SMPD4: variants seen among roughly 807,000 people sequenced by gnomAD.
SMPD4 encodes sphingomyelin phosphodiesterase 4, also known as neutral sphingomyelinase 3.
Under a neutral mutation model 97.8 loss-of-function variants are expected in SMPD4, and 58 were observed. That is an observed-to-expected ratio of 0.59 (90% CI 0.48 to 0.74). SMPD4 has a LOEUF of 0.74. Among genes scored for constraint, SMPD4 ranks in the 30% least tolerant of loss-of-function variants. SMPD4 has a pLI of 0.00. For missense variants in SMPD4, 853 were observed against 1,080.5 expected, an observed-to-expected ratio of 0.79 and a Z score of 2.95; for synonymous variants, 388 against 450.0, an observed-to-expected ratio of 0.86 and a Z score of 1.74.
chr2:130,169,571 T>A (rs1372191583), intron 8 of SMPD4, among the ~76,000 whole-genome samples: 1 of 152,070 alleles, frequency 6.6e-6, no homozygotes, highest in Non-Finnish European at 1.5e-5. Context: ...TTTCTTTTTT[T>A]TTTTTTTCCC....
chr2:130,176,716 C>G (rs1689011400), intron 1 of SMPD4, 79 bp from the exon 2 acceptor site: 2 of 1,218,816 alleles, frequency 1.6e-6, no homozygotes, highest in African/African-American at 3.0e-5. Context: ...GAGACAGGGT[C>G]TTGTTCTGTT....
chr2:130,163,937 G>T (rs1687675820), intron 10 of SMPD4, among the ~76,000 whole-genome samples: 1 of 152,220 alleles, frequency 6.6e-6, no homozygotes, highest in Admixed American at 6.5e-5. Flanking sequence ...GAAGGTGGGG[G>T]AGTAGGGTGA....
At chr2:130,159,280 C>G (rs1687158986) in intron 11 of SMPD4, among the ~76,000 whole-genome samples, 1 of 152,088 alleles carries the variant, frequency 6.6e-6, no homozygotes, top group African/African-American at 2.4e-5. Context: ...CAAGCATGAG[C>G]CATCGTGGCT....
At chr2:130,157,209 T>C (rs112437022) in intron 12 of SMPD4, 42 bp downstream of exon 12, 14 of 1,549,774 alleles carry the variant, frequency 9.0e-6, no homozygotes, top group Admixed American at 3.9e-5. Flanking sequence ...GAGGGGAAAG[T>C]GGGGGAGACG....
intron 1 of SMPD4, 60 bp from the exon 2 acceptor site, chr2:130,176,697 A>G (rs1166050855): frequency 7.2e-7 from 1 of 1,397,176 alleles, no homozygotes; most frequent in Non-Finnish European, 1.0e-6. Context: ...TTTTTATATT[A>G]TTTTTTTAGA....
intron 3 of SMPD4, among the ~76,000 whole-genome samples, chr2:130,174,126 TC>T (rs1252673129): frequency 2.6e-5 from 4 of 152,042 alleles, no homozygotes; most frequent in African/African-American, 9.7e-5. Context: ...GCTCGAGCAA[TC>T]CCCCCACCTC....
Position 130,152,552 on chromosome 2 carries a change from C to A in SMPD4, c.*3G>T. 1 of 1,543,648 alleles carries A rather than the reference C, an allele frequency of 6.5e-7. No homozygotes were observed. The highest frequency in any genetic ancestry group is 8.8e-7 in the Non-Finnish European group (1 of 1,142,302). On this transcript the variant is annotated 3_prime_UTR_variant, in exon 20 of 20. Transcript: ENST00000680298. The stretch of plus-strand genomic sequence containing the variant: ...CAGCCTGCTCTGAAGGCAGCTGACA[C>A]CTTCAGGGCTGGTGCAGCTTCCCCC...
At chr2:130,171,127 TTTC>T (rs1263153355) in intron 8 of SMPD4, among the ~76,000 whole-genome samples, 2 of 108,584 alleles carry the variant, frequency 1.8e-5, no homozygotes, top group Non-Finnish European at 3.3e-5. Context: ...ATATATATAA[TTTC>T]TTTTCTTTTT....
In SMPD4 at chr2:130,164,419, G is replaced by A. The variant is rs1397138014; in HGVS notation, c.819C>T (p.His273=). The A allele has an allele frequency of 1.2e-6, 2 of 1,614,032 alleles. No individual in the cohort carries two copies. Among genetic ancestry groups the A allele is most frequent in the Non-Finnish European group, 1.7e-6 (2 of 1,180,026 alleles). The change falls in exon 10 of 20, where the codon CAC becomes CAT. Residue 273 remains histidine, a synonymous_variant. Transcript: ENST00000680298. The part of the protein sequence containing the change: ...LQVFVEMWLH[H]YSLEMYQKMQ... ...TTTTTTGATACATCTCCAAGGAATA[G>A]TGATGAAGCCACATTTCAACAAAAA...
intron 8 of SMPD4, among the ~76,000 whole-genome samples, chr2:130,169,771 C>T (rs1043515549): frequency 6.6e-6 from 1 of 152,032 alleles, no homozygotes; most frequent in Non-Finnish European, 1.5e-5. Flanking sequence ...ACACTGGTCT[C>T]GAATTCCTGG....
chr2:130,153,055 G>A lies in SMPD4; in HGVS notation c.2142C>T (p.Ala714=), dbSNP rs1428681715. The change falls in exon 19 of 20, where the codon GCC becomes GCT. Residue 714 remains alanine (A), a synonymous_variant. Transcript: ENST00000680298. ...CCTGCCCACTCACTCTGTGGTTGAT[G>A]GCAGACGACAGCCTAAAGAGTGTGC... The part of the protein sequence containing the change: ...LVRTLFRLSS[A]INHRFAGQMA... 3 of 1,611,472 alleles carry A rather than the reference G, an allele frequency of 1.9e-6. No homozygotes were observed. The African/African-American group carries it at 4.0e-5, about 22-fold the overall frequency.
At chr2:130,164,106 G>T (rs1279022508) in intron 10 of SMPD4, among the ~76,000 whole-genome samples, 1 of 152,206 alleles carries the variant, frequency 6.6e-6, no homozygotes, top group Non-Finnish European at 1.5e-5. Flanking sequence ...CTGCCAGGGA[G>T]GGGGCTCAGG....
intron 10 of SMPD4, among the ~76,000 whole-genome samples, chr2:130,161,498 C>T (rs1211889742): frequency 6.6e-6 from 1 of 152,194 alleles, no homozygotes; most frequent in African/African-American, 2.4e-5. Context: ...CGCAGCACCC[C>T]CCTCCACAAC....
At chr2:130,172,111 G>A (rs1473975201) in intron 8 of SMPD4, among the ~76,000 whole-genome samples, 1 of 152,186 alleles carries the variant, frequency 6.6e-6, no homozygotes, top group Non-Finnish European at 1.5e-5. Flanking sequence ...TGCAGGCCGT[G>A]GAGGCCTCCA....
intron 8 of SMPD4, among the ~76,000 whole-genome samples, chr2:130,169,204 C>T (rs758423331): frequency 6.6e-6 from 1 of 152,124 alleles, no homozygotes; most frequent in Non-Finnish European, 1.5e-5. Context: ...AAGGGGCGGC[C>T]GCATGCTCTG....
At chr2:130,164,900 A>C (rs1279556590) in intron 9 of SMPD4, among the ~76,000 whole-genome samples, 2 of 151,922 alleles carry the variant, frequency 1.3e-5, no homozygotes, top group East Asian at 3.9e-4. Flanking sequence ...TGAGGCCAGG[A>C]GTTCCAGACC....
rs1686352420 is a variant in SMPD4 at position 130,152,735 on chromosome 2, C to T, written c.2304G>A (p.Arg768=). ...AACTGCCCAGGAAGCGCAGGCTGAGCCTGGGGCCGCGGGTGTGGCCGGCCA... is the reference window on the plus strand; with the variant it reads ...AACTGCCCAGGAAGCGCAGGCTGAGTCTGGGGCCGCGGGTGTGGCCGGCCA... ...RQVAGHTRGP[R]LSLRFLGSYR... The change falls in exon 20 of 20, where the codon AGG becomes AGA. Residue 768 remains arginine, a synonymous_variant. Transcript: ENST00000680298. 2 of 1,589,992 alleles carry T rather than the reference C, an allele frequency of 1.3e-6. No homozygotes were observed. Among genetic ancestry groups the T allele is most frequent in the African/African-American group, 2.7e-5 (2 of 74,544 alleles).
rs764520757 is a variant in SMPD4 at position 130,156,796 on chromosome 2, G to A, written c.1098-121C>T. The A allele has an allele frequency of 1.7e-5, 27 of 1,548,528 alleles. No individual in the cohort carries two copies. The African/African-American group carries it at 2.2e-4, about 13-fold the overall frequency. The stretch of plus-strand genomic sequence containing the variant: ...CCGGGGGAGAGCACTGGGCACCTCC[G>A]GGAGGTTCAGCCCCATTCTTCAGAG... On this transcript the variant is annotated intron_variant, in intron 12 of 19. Coordinates refer to ENST00000680298, the MANE Select transcript of SMPD4 (RefSeq NM_017951.5).
intron 17 of SMPD4, 42 bp from the exon 18 acceptor site, chr2:130,153,492 G>A: frequency 1.2e-6 from 2 of 1,610,244 alleles, no homozygotes; most frequent in Non-Finnish European, 1.7e-6. Context: ...TCAAGATGAA[G>A]AGAGGGGACC....
Sources: allele counts gnomAD v4.1 joint callset (sites outside exome capture counted in the v4.1 genomes callset), GRCh38; gene constraint gnomAD v4.1.1; transcripts MANE v1.5; gene names NCBI Gene and HGNC (gene_info 2026-07-23, HGNC 2026-07-21).